AFF1: variants seen among roughly 807,000 people sequenced by gnomAD.
AFF1 encodes AF4/FMR2 family member 1.
Under a neutral mutation model 121.7 loss-of-function variants are expected in AFF1, and 48 were observed. The observed-to-expected ratio is 0.39, with a 90% confidence interval of 0.31 to 0.50. AFF1 has a LOEUF of 0.50. Ranked by LOEUF, AFF1 falls within the 20% of genes least tolerant of loss-of-function variation. The probability of loss-of-function intolerance (pLI) is 0.76; values close to 1 mark genes in which losing one functional copy is unlikely to be tolerated. For missense variants in AFF1, 1,523 were observed against 1,511.7 expected (o/e 1.01, Z -0.12); for synonymous variants, 613 against 563.0 (o/e 1.09, Z -1.26).
intron 2 of AFF1, among the ~76,000 whole-genome samples, chr4:86,969,114 A>AG (rs1263486419): frequency 6.6e-6 from 1 of 152,154 alleles, no homozygotes; most frequent in East Asian, 1.9e-4. Context: ...TGCTCAGTTC[A>AG]GGATGTGTAG....
intron 2 of AFF1, among the ~76,000 whole-genome samples, chr4:87,036,095 T>A (rs925213871): frequency 3.3e-5 from 5 of 152,120 alleles, no homozygotes; most frequent in African/African-American, 1.2e-4. Context: ...AAATGAGCAG[T>A]GCCAATGAGG....
intron 2 of AFF1, among the ~76,000 whole-genome samples, chr4:86,998,697 A>G (rs186126677): frequency 1.0e-3 from 155 of 152,278 alleles, no homozygotes; most frequent in Admixed American, 2.2e-3. Flanking sequence ...CTCTGATACT[A>G]TGAATGTCTT....
At position 87,047,013 on chromosome 4, in the gene AFF1, C is replaced by G. The variant is rs61734711; in HGVS notation, c.478C>G (p.Pro160Ala). ...MPSLHAKSCG[P>A]PDSQHLTQDR... ...AAGTCTCCATGCCAAAAGCTGCGGC[C>G]CACCGGACAGCCAGCACCTGACCCA... Residue 160 changes from proline (P) to alanine (A), a missense_variant, in exon 4 of 21, where the codon CCA becomes GCA. This residue lies in a region of AFF1 where 369 missense variants were observed against 367.2 expected (regional missense o/e 1.00). Coordinates refer to ENST00000395146, the MANE Select transcript of AFF1 (RefSeq NM_001166693.3). The G allele has an allele frequency of 6.2e-7, 1 of 1,614,162 alleles. No homozygotes were observed. Among genetic ancestry groups the G allele is most frequent in the Admixed American group, 1.7e-5 (1 of 60,020 alleles).
chr4:87,092,893 G>A (rs17012412), intron 7 of AFF1, among the ~76,000 whole-genome samples: 181 of 152,258 alleles, frequency 1.2e-3, no homozygotes, highest in African/African-American at 4.2e-3. Flanking sequence ...GACCAGTGGA[G>A]TGTGCACAGG....
In AFF1 at chr4:87,055,481, A is replaced by C. The variant is rs113322665; in HGVS notation, c.1059+7887A>C. On this transcript the variant is annotated intron_variant, in intron 4 of 20. Coordinates refer to ENST00000395146, the MANE Select transcript of AFF1 (RefSeq NM_001166693.3). ...AATTCCTGTTCCTCCTTGTTTTCAC[A>C]CTTGAGATGTTTGTGGATGGTTATT... Among the ~76,000 whole-genome samples the C allele has an allele frequency of 3.4e-3, 515 of 152,240 alleles. 6 individuals carry two copies. Among genetic ancestry groups the C allele is most frequent in the African/African-American group, 0.012 (492 of 41,536 alleles).
At chr4:87,056,399 A>G (rs1486702646) in intron 4 of AFF1, among the ~76,000 whole-genome samples, 1 of 152,154 alleles carries the variant, frequency 6.6e-6, no homozygotes, top group Non-Finnish European at 1.5e-5. Context: ...ACCCCACACT[A>G]TATTATAGAT....
chr4:87,062,303 T>C (rs1006068980), intron 4 of AFF1, among the ~76,000 whole-genome samples: 1 of 152,222 alleles, frequency 6.6e-6, no homozygotes. Flanking sequence ...TGTATCTTGC[T>C]ACGTCCTCAT....
chr4:86,949,521 A>AATT lies in AFF1; in HGVS notation c.38+966_38+968dup, dbSNP rs527785303. The AATT allele has an allele frequency of 9.9e-3, 2,332 of 235,868 alleles. 107 individuals are homozygous for AATT. Among genetic ancestry groups the AATT allele is most frequent in the South Asian group, 0.016 (219 of 14,106 alleles). The allele number at this position is 235,868 out of a possible 1,614,324, so 14.6% of individuals were successfully genotyped here. A position where few individuals can be genotyped will look rare whatever the true frequency, so the allele number is the denominator to read the frequency against. ...ACTTTTATCATAATTTCTATTTATT[A>AATT]ATTATTATTATTATTATTTTTTTTT... On this transcript the variant is annotated intron_variant, in intron 2 of 20. Transcript: ENST00000395146.
At chr4:86,953,869 C>T (rs1373631591) in intron 2 of AFF1, among the ~76,000 whole-genome samples, 1 of 152,000 alleles carries the variant, frequency 6.6e-6, no homozygotes, top group African/African-American at 2.4e-5. Flanking sequence ...CCACCACGCC[C>T]AGCTAATTTT....
At chr4:87,098,794 G>A (rs1235087075) in intron 8 of AFF1, among the ~76,000 whole-genome samples, 1 of 152,116 alleles carries the variant, frequency 6.6e-6, no homozygotes, top group African/African-American at 2.4e-5. Context: ...CTTTTGAAGT[G>A]AGGGAGATAT....
chr4:87,023,431 CTG>C (rs56005305), intron 2 of AFF1, among the ~76,000 whole-genome samples: 31,373 of 152,020 alleles, frequency 0.21, 3,378 homozygotes, highest in East Asian at 0.32. Flanking sequence ...ATTATAAAAA[CTG>C]TGCCTAAACT....
In AFF1 at chr4:87,139,342, G is replaced by GTTTTT. The variant is rs763848977; in HGVS notation, c.*3643_*3647dup. 1 of 232,744 alleles carries GTTTTT rather than the reference G, an allele frequency of 4.3e-6. No individual in the cohort carries two copies. Among genetic ancestry groups the GTTTTT allele is most frequent in the African/African-American group, 2.2e-5 (1 of 45,248 alleles). 14.4% of individuals were successfully genotyped at this position (232,744 alleles called of 1,614,324 possible). A position where few individuals can be genotyped will look rare whatever the true frequency, so the allele number is the denominator to read the frequency against. ...TGAGGCTGGGCTTTCGGGTTTTTTT[G>GTTTTT]TTTTTTGTTTTGTTTTGTTTTGTTT... On this transcript the variant is annotated 3_prime_UTR_variant, in exon 21 of 21. Coordinates refer to ENST00000395146, the MANE Select transcript of AFF1 (RefSeq NM_001166693.3).
chr4:86,947,513 A>G (rs909490845), intron 1 of AFF1, among the ~76,000 whole-genome samples: 3 of 152,242 alleles, frequency 2.0e-5, no homozygotes, highest in Middle Eastern at 3.2e-3. Flanking sequence ...TTCCATTTGT[A>G]TCAAATGGTT....
chr4:87,130,172 C>T (rs965923157), intron 16 of AFF1, among the ~76,000 whole-genome samples: 2 of 151,762 alleles, frequency 1.3e-5, no homozygotes, highest in Non-Finnish European at 2.9e-5. Flanking sequence ...GGGATTTTGC[C>T]GTGTTGGCCA....
At chr4:87,010,367 T>G (rs1358763123) in intron 2 of AFF1, among the ~76,000 whole-genome samples, 1 of 152,232 alleles carries the variant, frequency 6.6e-6, no homozygotes, top group African/African-American at 2.4e-5. Context: ...GAGAAATGTC[T>G]TGTCAAAGCG....
At chr4:87,048,577 GC>G (rs1730956409) in intron 4 of AFF1, among the ~76,000 whole-genome samples, 4 of 152,168 alleles carry the variant, frequency 2.6e-5, no homozygotes, top group Admixed American at 2.6e-4. Context: ...AGACATTTAT[GC>G]CATCCAGATA....
intron 2 of AFF1, chr4:86,949,539 T>TAG: frequency 7.0e-6 from 1 of 142,960 alleles, no homozygotes; most frequent in Non-Finnish European, 1.2e-5. Flanking sequence ...TTATTATTAT[T>TAG]TTTTTTTTTT....
At chr4:86,937,570 G>C (rs1720108466) in intron 1 of AFF1, among the ~76,000 whole-genome samples, 1 of 152,046 alleles carries the variant, frequency 6.6e-6, no homozygotes, top group Non-Finnish European at 1.5e-5. Context: ...TATTTATCAG[G>C]CACCTTTACA....
At chr4:87,104,616 C>T (rs964388573) in intron 8 of AFF1, among the ~76,000 whole-genome samples, 3 of 152,122 alleles carry the variant, frequency 2.0e-5, no homozygotes, top group Admixed American at 1.3e-4. Flanking sequence ...TGATTTTTAC[C>T]AGGATTTCCA....
Sources: allele counts gnomAD v4.1 joint callset (sites outside exome capture counted in the v4.1 genomes callset), GRCh38; gene constraint gnomAD v4.1.1; regional missense constraint gnomAD v4.1.1; transcripts MANE v1.5; gene names NCBI Gene and HGNC (gene_info 2026-07-23, HGNC 2026-07-21).